VAPA: variants seen among roughly 807,000 people sequenced by gnomAD.
VAPA encodes VAMP associated protein A.
Under a neutral mutation model 25.6 loss-of-function variants are expected in VAPA, and 6 were observed. That is an observed-to-expected ratio of 0.23 (90% CI 0.13 to 0.46). VAPA has a LOEUF of 0.46. VAPA is among the 20% of genes least tolerant of loss of function. The probability of loss-of-function intolerance (pLI) is 0.99; values close to 1 mark genes in which losing one functional copy is unlikely to be tolerated. For missense variants in VAPA, 244 were observed against 302.1 expected, an observed-to-expected ratio of 0.81 and a Z score of 1.43; for synonymous variants, 112 against 106.2, an observed-to-expected ratio of 1.05 and a Z score of -0.34.
rs549443687 is a variant in VAPA, at chr18:9,938,403, T to C, written c.417+1337T>C. On this transcript the variant is annotated intron_variant, in intron 4 of 5. Coordinates refer to ENST00000400000, the MANE Select transcript of VAPA (RefSeq NM_194434.3). The stretch of plus-strand genomic sequence containing the variant: ...GTTTAGAAACCAAACCAGAAGTTGA[T>C]GGGAATGATACGGCAATGACAGTTG... Among the ~76,000 whole-genome samples, 5 of 152,252 alleles carry C rather than the reference T, an allele frequency of 3.3e-5. No homozygotes were observed. The South Asian group carries it at 6.2e-4, about 19-fold the overall frequency.
chr18:9,928,223 C>T (rs1162178434), intron 1 of VAPA, among the ~76,000 whole-genome samples: 1 of 152,122 alleles, frequency 6.6e-6, no homozygotes, highest in Non-Finnish European at 1.5e-5. Flanking sequence ...CAGATGTTCA[C>T]TTTGTCATCA....
At chr18:9,928,429 C>T (rs1487119689) in intron 1 of VAPA, among the ~76,000 whole-genome samples, 1 of 151,992 alleles carries the variant, frequency 6.6e-6, no homozygotes, top group Non-Finnish European at 1.5e-5. Flanking sequence ...CTCCTTTTAC[C>T]CTCTCCCAGT....
At chr18:9,947,848 T>G (rs987530809) in intron 4 of VAPA, 2 of 152,186 alleles carry the variant, frequency 1.3e-5, no homozygotes, top group Non-Finnish European at 2.9e-5. Context: ...TGTCACTCCA[T>G]GCATGACTCA....
chr18:9,938,194 T>A (rs931039442), intron 4 of VAPA, among the ~76,000 whole-genome samples: 5 of 151,916 alleles, frequency 3.3e-5, no homozygotes, highest in Non-Finnish European at 5.9e-5. Context: ...ATTGACTTTT[T>A]AAAAAAAAAT....
chr18:9,944,006 T>C (rs370420057), intron 4 of VAPA, among the ~76,000 whole-genome samples: 5 of 151,424 alleles, frequency 3.3e-5, no homozygotes, highest in Non-Finnish European at 7.4e-5. Context: ...GGACTACAGG[T>C]GCCCGCCACC....
chr18:9,950,269 A>T (rs1454388304), intron 4 of VAPA, 126 bp from the exon 5 acceptor site: 1 of 935,760 alleles, frequency 1.1e-6, no homozygotes, highest in Admixed American at 2.8e-5. Flanking sequence ...GACTGCTGAC[A>T]TGTACTGATT....
intron 4 of VAPA, among the ~76,000 whole-genome samples, chr18:9,947,429 A>G (rs558920762): frequency 2.0e-5 from 3 of 152,360 alleles, no homozygotes; most frequent in Non-Finnish European, 2.9e-5. Context: ...TGGGAACACT[A>G]TCATATGTAT....
chr18:9,945,655 C>T (rs1411131577), intron 4 of VAPA, among the ~76,000 whole-genome samples: 1 of 152,166 alleles, frequency 6.6e-6, no homozygotes, highest in Non-Finnish European at 1.5e-5. Flanking sequence ...TGAGCCACCA[C>T]ATGTGGCAAC....
In VAPA at chr18:9,914,278, A is replaced by C. The variant is rs369346896; in HGVS notation, c.22A>C (p.Met8Leu). MASASGAMAKHEQILVLD... is the reference protein window; with the variant it reads MASASGALAKHEQILVLD... ...TCCGATGGCGTCCGCCTCAGGGGCC[A>C]TGGCGAAGCACGAGCAGATCCTGGT... Residue 8 changes from methionine (M) to leucine (L), a missense_variant, in exon 1 of 6, where the codon ATG becomes CTG. By Grantham distance (15) the Met-to-Leu change is conservative. Transcript: ENST00000400000. The C allele has an allele frequency of 2.3e-5, 37 of 1,586,664 alleles. No homozygotes were observed. Among genetic ancestry groups the C allele is most frequent in the Non-Finnish European group, 2.8e-5 (33 of 1,168,020 alleles).
intron 1 of VAPA, among the ~76,000 whole-genome samples, chr18:9,925,494 G>T (rs1451540424): frequency 6.6e-6 from 1 of 151,836 alleles, no homozygotes; most frequent in Non-Finnish European, 1.5e-5. Flanking sequence ...TTCCCAGAAA[G>T]TATTACTCTA....
Position 9,957,139 on chromosome 18 carries a change from C to G in VAPA, c.*2928C>G, listed in dbSNP as rs2069560062. The G allele has an allele frequency of 6.6e-6, 1 of 151,986 alleles. No individual in the cohort carries two copies. The highest frequency in any genetic ancestry group is 1.5e-5 in the Non-Finnish European group (1 of 68,048). 9.4% of individuals were successfully genotyped at this position (151,986 alleles called of 1,614,324 possible). Reference sequence around the variant, plus strand: ...TTCCGCCTCCTGGGTTCAAGTGATTCTCATGGCTCAGCCGCCTGAGTAGCT... The same window carrying G: ...TTCCGCCTCCTGGGTTCAAGTGATTGTCATGGCTCAGCCGCCTGAGTAGCT... On this transcript the variant is annotated 3_prime_UTR_variant, in exon 6 of 6. Transcript: ENST00000400000.
chr18:9,930,025 G>T (rs576476029), intron 1 of VAPA, among the ~76,000 whole-genome samples: 1 of 151,966 alleles, frequency 6.6e-6, no homozygotes, highest in Admixed American at 6.6e-5. Context: ...TTCAGAATTC[G>T]TACAACTCTT....
At chr18:9,929,657 C>A (rs570568188) in intron 1 of VAPA, among the ~76,000 whole-genome samples, 2 of 152,168 alleles carry the variant, frequency 1.3e-5, no homozygotes, top group Non-Finnish European at 2.9e-5. Context: ...GCTATTAAAT[C>A]TGGTTATTCC....
chr18:9,920,545 G>C (rs150769610), intron 1 of VAPA, among the ~76,000 whole-genome samples: 1,657 of 152,290 alleles, frequency 0.011, 29 homozygotes, highest in African/African-American at 0.037. Context: ...TGATCCACCT[G>C]CCTCTGCCTC....
chr18:9,945,054 A>G (rs776556870), intron 4 of VAPA: 1 of 1,613,956 alleles, frequency 6.2e-7, no homozygotes, highest in South Asian at 1.1e-5. Flanking sequence ...CAGGAGAAAC[A>G]GAAGGTTTGT....
At chr18:9,947,240 C>G (rs375563434) in intron 4 of VAPA, among the ~76,000 whole-genome samples, 1 of 152,052 alleles carries the variant, frequency 6.6e-6, no homozygotes, top group Non-Finnish European at 1.5e-5. Context: ...ATACATAAAC[C>G]TGTAACATAG....
In VAPA at chr18:9,954,824, A is replaced by G. The variant is rs1162219219; in HGVS notation, c.*613A>G. 6.6e-6 allele frequency: 1 copy of G among 152,584 alleles called. No homozygotes were observed. Among genetic ancestry groups the G allele is most frequent in the Non-Finnish European group, 1.5e-5 (1 of 68,040 alleles). The allele number at this position is 152,584 out of a possible 1,614,324, so 9.5% of individuals were successfully genotyped here. A position where few individuals can be genotyped will look rare whatever the true frequency, so the allele number is the denominator to read the frequency against. On this transcript the variant is annotated 3_prime_UTR_variant, in exon 6 of 6. Coordinates refer to ENST00000400000, the MANE Select transcript of VAPA (RefSeq NM_194434.3). ...AAAACTGTTAACAGATTCTTGCTCG[A>G]TAGCTTGTTTGTGTCTGTCGTGTTA...
intron 4 of VAPA, chr18:9,944,938 A>G (rs1336303567): frequency 3.7e-6 from 6 of 1,614,054 alleles, no homozygotes; most frequent in Non-Finnish European, 5.1e-6. Flanking sequence ...TAACTCCACC[A>G]GGGAATGCTC....
intron 1 of VAPA, among the ~76,000 whole-genome samples, chr18:9,929,455 C>T (rs1009848476): frequency 4.6e-5 from 7 of 152,234 alleles, no homozygotes; most frequent in African/African-American, 1.7e-4. Context: ...GGTGGGGGTA[C>T]ATGATACAAC....
Sources: gnomAD v4.1 joint callset for allele counts (sites outside exome capture counted in the v4.1 genomes callset) on GRCh38, gnomAD v4.1.1 for gene constraint, MANE v1.5 for transcripts, NCBI Gene and HGNC (gene_info 2026-07-23, HGNC 2026-07-21) for gene names.